DPH1: variants seen among roughly 807,000 people sequenced by gnomAD.
DPH1 encodes the protein diphthamide biosynthesis 1.
A neutral mutation model predicts 55.3 loss-of-function variants in DPH1; 59 were observed. That is an observed-to-expected ratio of 1.07 (90% CI 0.87 to 1.33). DPH1 has a LOEUF of 1.33. Ranked by LOEUF, DPH1 falls within the 40% of genes most tolerant of loss-of-function variation. The pLI is 0.00. For synonymous variants in DPH1, 238 were observed against 235.5 expected, an observed-to-expected ratio of 1.01 and a Z score of -0.10; for missense variants, 628 against 584.8, an observed-to-expected ratio of 1.07 and a Z score of -0.76.
chr17:2,033,542 C>T lies in DPH1; in HGVS notation c.99C>T (p.Pro33=). 1.2e-6 allele frequency: 2 copies of T among 1,614,206 alleles called. No individual in the cohort carries two copies. The highest frequency in any genetic ancestry group is 1.7e-6 in the Non-Finnish European group (2 of 1,180,044). Residue 33 remains proline (P), a synonymous_variant, in exon 2 of 13, where the codon CCC becomes CCT. Transcript: ENST00000263083. ...APRGRVANQI[P]PEILKNPQLQ... is the part of the protein sequence containing the mutation. Reference sequence around the variant, plus strand: ...GGGGCCGCGTGGCCAATCAGATCCCCCCTGAGATCCTGAAGAACCCTCAGC... The same window carrying T: ...GGGGCCGCGTGGCCAATCAGATCCCTCCTGAGATCCTGAAGAACCCTCAGC...
intron 12 of DPH1, 54 bp from the exon 13 acceptor site, chr17:2,042,551 C>T (rs891680097): frequency 4.7e-6 from 7 of 1,479,822 alleles, no homozygotes; most frequent in African/African-American, 2.8e-5. Flanking sequence ...CATTTCTTTC[C>T]TTCCTGGAGC....
In DPH1 at chr17:2,036,046, G is replaced by C. The variant is rs372069295; in HGVS notation, c.355G>C (p.Ala119Pro). 6.2e-7 allele frequency: 1 copy of C among 1,613,964 alleles called. No homozygotes were observed. The stretch of plus-strand genomic sequence containing the variant: ...CTGTGTGGATGACTTCACAGCGAGG[G>C]CCCTGGGAGCTGACTTCTTGGTGCA... ...ACCVDDFTAR[A>P]LGADFLVHYG... Residue 119 changes from alanine (A) to proline (P), a missense_variant, in exon 4 of 13, where the codon GCC becomes CCC. Ala to Pro is a conservative substitution (Grantham distance 27). Transcript: ENST00000263083. The surrounding 1 kb of genome is among the most constrained non-coding windows in gnomAD (Gnocchi z 4.8).
intron 1 of DPH1, 33 bp downstream of exon 1, chr17:2,030,263 C>A: frequency 6.5e-7 from 1 of 1,546,022 alleles, no homozygotes; most frequent in African/African-American, 1.4e-5. Flanking sequence ...CTCCAGACCT[C>A]GCATCTCGGG....
intron 6 of DPH1, among the ~76,000 whole-genome samples, chr17:2,038,581 C>G (rs913495384): frequency 2.0e-5 from 3 of 152,194 alleles, no homozygotes; most frequent in African/African-American, 7.2e-5. Flanking sequence ...AGCTCAAACC[C>G]TATCGTGACC....
chr17:2,042,167 G>A, intron 12 of DPH1: 1 of 1,476,762 alleles, frequency 6.8e-7, no homozygotes, highest in Non-Finnish European at 8.9e-7. Context: ...CCGAGCTCGT[G>A]TGCCTCAGCG....
At chr17:2,042,200 C>A in intron 12 of DPH1, 1 of 1,433,638 alleles carries the variant, frequency 7.0e-7, no homozygotes, top group East Asian at 2.7e-5. Context: ...TCCCCGACCC[C>A]CCGGGCCCCG....
intron 3 of DPH1, among the ~76,000 whole-genome samples, chr17:2,035,275 C>T (rs896482020): frequency 1.3e-5 from 2 of 152,106 alleles, no homozygotes; most frequent in Non-Finnish European, 2.9e-5. Flanking sequence ...GGCCTGGCAG[C>T]AGTTCCCACG....
At chr17:2,030,652 G>C (rs1244120469) in intron 1 of DPH1, among the ~76,000 whole-genome samples, 1 of 152,236 alleles carries the variant, frequency 6.6e-6, no homozygotes, top group Non-Finnish European at 1.5e-5. Flanking sequence ...GCTGGGTGCA[G>C]GTACTAGAAT....
intron 2 of DPH1, 21 bp downstream of exon 2, chr17:2,033,678 C>G (rs1364532411): frequency 3.1e-6 from 5 of 1,613,550 alleles, no homozygotes; most frequent in Non-Finnish European, 4.2e-6. Context: ...GATCATTGAG[C>G]TGGGGTTGGG....
rs762970084 is a variant in DPH1, at chr17:2,036,833, A to C, written c.559-2A>C. 4 of 1,613,260 alleles carry C rather than the reference A, an allele frequency of 2.5e-6. No individual in the cohort carries two copies. Among genetic ancestry groups the C allele is most frequent in the Non-Finnish European group, 3.4e-6 (4 of 1,179,774 alleles). On this transcript the variant is annotated splice_acceptor_variant, in intron 5 of 12. Coordinates refer to ENST00000263083, the MANE Select transcript of DPH1 (RefSeq NM_001383.6). LOFTEE classifies it high-confidence loss of function. This position sits in a 1 kb window ranked among gnomAD's most constrained non-coding sequence, Gnocchi z 4.8. ...GCTTCACTTCCCTCGTCATTCCTACAGGCAGCCGCCCAGGAGCTGAAAGCC... is the reference window on the plus strand; with the variant it reads ...GCTTCACTTCCCTCGTCATTCCTACCGGCAGCCGCCCAGGAGCTGAAAGCC...
chr17:2,040,838 C>T lies in DPH1; in HGVS notation c.1007+233C>T, dbSNP rs117635823. 215 of 627,236 alleles carry T rather than the reference C, an allele frequency of 3.4e-4. No homozygotes were observed. The East Asian group carries it at 5.2e-3, about 15-fold the overall frequency. The allele number at this position is 627,236 out of a possible 1,614,324, so 38.9% of individuals were successfully genotyped here. A position where few individuals can be genotyped will look rare whatever the true frequency, so the allele number is the denominator to read the frequency against. On this transcript the variant is annotated intron_variant, in intron 9 of 12. Transcript: ENST00000263083. ...TGAGATGAGTTTGAGCGGTGGCTGA[C>T]ACCTGCCCTGTACCAGGTACTAAAT... is the stretch of plus-strand genomic sequence containing the variant.
chr17:2,035,898 TC>T, intron 3 of DPH1, 71 bp from the exon 4 acceptor site: 1 of 1,593,106 alleles, frequency 6.3e-7, no homozygotes. Context: ...TGAGACACCC[TC>T]CCAGGGTTGG....
intron 12 of DPH1, chr17:2,042,209 C>A: frequency 7.0e-7 from 1 of 1,431,866 alleles, no homozygotes; most frequent in Non-Finnish European, 9.1e-7. Context: ...CCCCGGGCCC[C>A]GAGGGCGCCA....
At chr17:2,035,638 C>A (rs928278200) in intron 3 of DPH1, among the ~76,000 whole-genome samples, 1 of 152,072 alleles carries the variant, frequency 6.6e-6, no homozygotes, top group Non-Finnish European at 1.5e-5. Context: ...TGCGTGCTCA[C>A]GGCTCTGGGT....
At position 2,036,662 on chromosome 17, in the gene DPH1, C is replaced by G. The variant is rs778404300; in HGVS notation, c.534C>G (p.Thr178=). 1.2e-6 allele frequency: 2 copies of G among 1,614,030 alleles called. No individual in the cohort carries two copies. Among genetic ancestry groups the G allele is most frequent in the South Asian group, 2.2e-5 (2 of 91,084 alleles). ...CCACTGCCCTTGCCCTGGTCAGCAC[C>G]ATTCAGTTTGTGTCGACCTTGCAGG... ...PPATALALVS[T]IQFVSTLQAA... The change falls in exon 5 of 13, where the codon ACC becomes ACG. Residue 178 remains threonine (T), a synonymous_variant. Coordinates refer to ENST00000263083, the MANE Select transcript of DPH1 (RefSeq NM_001383.6). The surrounding 1 kb of genome is among the most constrained non-coding windows in gnomAD (Gnocchi z 4.8).
chr17:2,041,941 GAGGCCCGCCCTC>G, intron 12 of DPH1, 66 bp downstream of exon 12: 1 of 1,527,130 alleles, frequency 6.5e-7, no homozygotes, highest in Non-Finnish European at 8.7e-7. Flanking sequence ...TTGGCGCTCC[GAGGCCCGCCCTC>G]GGGGCGGTGC....
rs761067744 is a variant in DPH1 at position 2,042,894 on chromosome 17, C to T, written c.*308C>T. 6.2e-7 allele frequency: 1 copy of T among 1,614,190 alleles called. No homozygotes were observed. The highest frequency in any genetic ancestry group is 1.7e-5 in the Admixed American group (1 of 60,020). On this transcript the variant is annotated 3_prime_UTR_variant, in exon 13 of 13. Transcript: ENST00000263083. ...GTTTCTGTCCCCGGGGCATTGGGTT[C>T]AAGGAATCCATCCTGCAAAGGCCCT...
chr17:2,040,682 G>A lies in DPH1; in HGVS notation c.1007+77G>A, dbSNP rs2067504777. ...TGCCCAGCTCGTCTTGAAGGCTGGA[G>A]CCAACAGGAATTGCTTCCATGGTCA... On this transcript the variant is annotated intron_variant, in intron 9 of 12. Transcript: ENST00000263083. 1.2e-5 allele frequency: 18 copies of A among 1,507,650 alleles called. 1 individual carries two copies. In the Middle Eastern group the frequency reaches 5.1e-4, roughly 43 times the overall value. 93.4% of individuals were successfully genotyped at this position (1,507,650 alleles called of 1,614,324 possible). A position where few individuals can be genotyped will look rare whatever the true frequency, so the allele number is the denominator to read the frequency against.
At chr17:2,042,110 C>G in intron 12 of DPH1, 1 of 1,568,716 alleles carries the variant, frequency 6.4e-7, no homozygotes, top group Non-Finnish European at 8.6e-7. Context: ...GCGAGCGGGG[C>G]TTCCGTGAGA....
Sources: gnomAD v4.1 joint callset for allele counts (sites outside exome capture counted in the v4.1 genomes callset) on GRCh38, gnomAD v4.1.1 for gene constraint, Gnocchi (gnomAD v3.1) non-coding constraint, MANE v1.5 for transcripts, NCBI Gene and HGNC (gene_info 2026-07-23, HGNC 2026-07-21) for gene names.